Variants in SNX18 observed in about 807,000 individuals in gnomAD.
SNX18 encodes sorting nexin 18.
In SNX18, 35 loss-of-function variants were observed where a neutral mutation model predicts 48.7. The observed-to-expected ratio is 0.72, with a 90% CI of 0.55 to 0.95. SNX18 has a LOEUF of 0.95. SNX18 is among the 40% of genes least tolerant of loss of function. The probability of loss-of-function intolerance (pLI) is 0.00; values close to 1 mark genes in which losing one functional copy is unlikely to be tolerated. For missense variants in SNX18, 824 were observed against 871.0 expected, an observed-to-expected ratio of 0.95 and a Z score of 0.68; for synonymous variants, 492 against 384.7, an observed-to-expected ratio of 1.28 and a Z score of -3.26.
At chr5:54,538,667 T>C (rs1313761606) in intron 1 of SNX18, among the ~76,000 whole-genome samples, 1 of 152,246 alleles carries the variant, frequency 6.6e-6, no homozygotes, top group African/African-American at 2.4e-5. Flanking sequence ...GAGTCAACTT[T>C]TTTTATTTGG....
At chr5:54,605,554 T>C in the SNX18 span, among the ~76,000 whole-genome samples, 6 of 152,232 alleles carry the variant, frequency 3.9e-5, no homozygotes, top group Admixed American at 1.3e-4. Flanking sequence ...CAATGTTTTT[T>C]AAAAAGTTTA....
the SNX18 span, among the ~76,000 whole-genome samples, chr5:54,633,918 G>A: frequency 6.6e-6 from 1 of 152,002 alleles, no homozygotes. Flanking sequence ...TTTTATTGTT[G>A]GCTTACTTGT....
At chr5:54,603,245 TATA>T in the SNX18 span, among the ~76,000 whole-genome samples, 6 of 149,750 alleles carry the variant, frequency 4.0e-5, no homozygotes, top group African/African-American at 1.5e-4. Flanking sequence ...TATATATATA[TATA>T]TATTTTTTTA....
chr5:54,556,118 AGTG>A, the SNX18 span, among the ~76,000 whole-genome samples: 13 of 152,160 alleles, frequency 8.5e-5, no homozygotes, highest in Non-Finnish European at 1.9e-4. Context: ...GCCTCTTATT[AGTG>A]GGTGTTTAGG....
the SNX18 span, among the ~76,000 whole-genome samples, chr5:54,573,639 C>T: frequency 5.3e-5 from 8 of 152,258 alleles, no homozygotes; most frequent in South Asian, 1.5e-3. Context: ...ATCATGAGGG[C>T]TGTCGGGTGT....
At chr5:54,550,783 C>A (rs977963552), downstream of SNX18, among the ~76,000 whole-genome samples, 1 of 152,056 alleles carries the variant, frequency 6.6e-6, no homozygotes, top group Admixed American at 6.6e-5. Flanking sequence ...CGGGGTTTCA[C>A]CATGTTGGCC....
chr5:54,634,328 T>C, the SNX18 span, among the ~76,000 whole-genome samples: 2 of 152,068 alleles, frequency 1.3e-5, no homozygotes, highest in African/African-American at 2.4e-5. Context: ...TGAGGGACCA[T>C]GACACAGAAC....
chr5:54,606,383 G>C, the SNX18 span, among the ~76,000 whole-genome samples: 1 of 152,098 alleles, frequency 6.6e-6, no homozygotes, highest in Non-Finnish European at 1.5e-5. Flanking sequence ...ATTTTATCTT[G>C]CCTTTCTTTG....
chr5:54,605,417 G>A, the SNX18 span, among the ~76,000 whole-genome samples: 8 of 151,980 alleles, frequency 5.3e-5, no homozygotes, highest in African/African-American at 1.5e-4. Context: ...GTAAAGCCAC[G>A]CTTATCACAG....
At chr5:54,601,406 T>C in the SNX18 span, among the ~76,000 whole-genome samples, 1 of 152,206 alleles carries the variant, frequency 6.6e-6, no homozygotes, top group African/African-American at 2.4e-5. Context: ...GTATCTCTAC[T>C]CTGAGCCTGA....
chr5:54,637,795 G>C, the SNX18 span, among the ~76,000 whole-genome samples: 38 of 152,242 alleles, frequency 2.5e-4, no homozygotes, highest in African/African-American at 8.2e-4. Flanking sequence ...GGGCCCTCTG[G>C]AGGGGCCATA....
intron 1 of SNX18, chr5:54,520,250 G>C (rs776858856): frequency 1.1e-5 from 2 of 184,714 alleles, no homozygotes; most frequent in Non-Finnish European, 2.6e-5. Flanking sequence ...TCTGAGTATT[G>C]GATCTGAGAG....
At chr5:54,535,764 A>G (rs977009001) in intron 1 of SNX18, among the ~76,000 whole-genome samples, 23 of 152,180 alleles carry the variant, frequency 1.5e-4, no homozygotes, top group African/African-American at 5.1e-4. Flanking sequence ...AAACTCTTCT[A>G]AGACCTTTTT....
At chr5:54,634,001 A>G in the SNX18 span, among the ~76,000 whole-genome samples, 2 of 152,200 alleles carry the variant, frequency 1.3e-5, no homozygotes, top group African/African-American at 2.4e-5. Flanking sequence ...CTTTGCTTTC[A>G]TGGCTATAAT....
At chr5:54,540,542 T>TTG (rs1423369721) in intron 1 of SNX18, among the ~76,000 whole-genome samples, 4 of 151,722 alleles carry the variant, frequency 2.6e-5, no homozygotes, top group East Asian at 3.9e-4. Flanking sequence ...TTTAAATTGG[T>TTG]TGTTACGGAT....
At chr5:54,520,254 C>T (rs1223610903) in intron 1 of SNX18, 1 of 183,684 alleles carries the variant, frequency 5.4e-6, no homozygotes, top group African/African-American at 2.4e-5. Flanking sequence ...AGTATTGGAT[C>T]TGAGAGCAGC....
the SNX18 span, among the ~76,000 whole-genome samples, chr5:54,610,235 G>A: frequency 1.3e-5 from 2 of 152,132 alleles, no homozygotes; most frequent in Non-Finnish European, 2.9e-5. Flanking sequence ...ACTTAGGTAG[G>A]TATCTGAATG....
At chr5:54,573,357 C>G in the SNX18 span, among the ~76,000 whole-genome samples, 1 of 152,092 alleles carries the variant, frequency 6.6e-6, no homozygotes, top group African/African-American at 2.4e-5. Flanking sequence ...ACCCTGAATT[C>G]TTTCTTGCGC....
chr5:54,624,580 G>C, the SNX18 span, among the ~76,000 whole-genome samples: 2 of 152,168 alleles, frequency 1.3e-5, no homozygotes, highest in Non-Finnish European at 2.9e-5. Flanking sequence ...GGATATTTTG[G>C]AAGACAGATT....
Sources: gnomAD v4.1 joint callset for allele counts (sites outside exome capture counted in the v4.1 genomes callset) on GRCh38, gnomAD v4.1.1 for gene constraint, MANE v1.5 for transcripts, NCBI Gene and HGNC (gene_info 2026-07-23, HGNC 2026-07-21) for gene names.